GPHN: variants seen among roughly 807,000 people sequenced by gnomAD.
GPHN encodes the protein gephyrin.
Under a neutral mutation model 95.5 loss-of-function variants are expected in GPHN, and 17 were observed. The ratio of observed to expected loss-of-function variants is 0.18; its 90% confidence interval spans 0.12 to 0.27. GPHN has a LOEUF of 0.27. GPHN is among the 10% of genes least tolerant of loss of function. GPHN has a pLI of 1.00. For synonymous variants in GPHN, 320 were observed against 322.5 expected, an observed-to-expected ratio of 0.99 and a Z score of 0.08; for missense variants, 660 against 978.1, an observed-to-expected ratio of 0.67 and a Z score of 4.34.
At chr14:67,382,810 G>A in the GPHN span, 12 of 542,370 alleles carry the variant, frequency 2.2e-5, no homozygotes, top group Non-Finnish European at 3.9e-5. Context: ...TTTGCATGTG[G>A]CATGTCTAAA....
chr14:66,927,006 A>G (rs1211687428), intron 8 of GPHN, among the ~76,000 whole-genome samples: 1 of 151,984 alleles, frequency 6.6e-6, no homozygotes, highest in Non-Finnish European at 1.5e-5. Context: ...GCTATTGTAA[A>G]TGGGATTACT....
At chr14:67,610,117 A>G in the GPHN span, among the ~76,000 whole-genome samples, 2 of 152,278 alleles carry the variant, frequency 1.3e-5, no homozygotes, top group East Asian at 3.9e-4. Context: ...GCGGCGGGGC[A>G]GAGGCGCCAG....
At chr14:67,674,575 G>A in the GPHN span, 7 of 1,139,644 alleles carry the variant, frequency 6.1e-6, no homozygotes, top group Admixed American at 6.8e-5. Flanking sequence ...CCAGCCCAGT[G>A]GCCATAACGG....
the GPHN span, chr14:67,600,203 T>A: frequency 1.1e-5 from 18 of 1,572,634 alleles, no homozygotes; most frequent in South Asian, 2.1e-4. Flanking sequence ...TCATCCTCCA[T>A]GACGCCCCCA....
At chr14:66,714,330 T>C (rs1428863008) in intron 2 of GPHN, among the ~76,000 whole-genome samples, 2 of 152,212 alleles carry the variant, frequency 1.3e-5, no homozygotes, top group Non-Finnish European at 2.9e-5. Flanking sequence ...AGCTACTGAT[T>C]TGTGTACATT....
At chr14:67,239,128 G>A in the GPHN span, among the ~76,000 whole-genome samples, 66 of 152,306 alleles carry the variant, frequency 4.3e-4, 2 homozygotes, top group East Asian at 0.012. Flanking sequence ...AGGAAGCAAG[G>A]CTAGGTACTT....
intron 8 of GPHN, among the ~76,000 whole-genome samples, chr14:66,956,461 C>T (rs1482876618): frequency 6.6e-6 from 1 of 152,076 alleles, no homozygotes; most frequent in Non-Finnish European, 1.5e-5. Context: ...AATCGCCACA[C>T]TGACTTCCAC....
At chr14:66,776,411 A>G in intron 2 of GPHN, 53 bp from the exon 3 acceptor site, 1 of 1,034,734 alleles carries the variant, frequency 9.7e-7, no homozygotes, top group Non-Finnish European at 1.5e-6. Flanking sequence ...AATCTTTCAT[A>G]CATTTTAAAC....
intron 1 of GPHN, among the ~76,000 whole-genome samples, chr14:66,585,728 G>T (rs1325571591): frequency 6.6e-6 from 1 of 152,104 alleles, no homozygotes; most frequent in Non-Finnish European, 1.5e-5. Context: ...CTGAGTTCTA[G>T]TTTGATTGCA....
chr14:66,800,818 G>T (rs952565184), intron 3 of GPHN, among the ~76,000 whole-genome samples: 4 of 151,668 alleles, frequency 2.6e-5, no homozygotes, highest in Non-Finnish European at 5.9e-5. Flanking sequence ...CTCTTTTTAG[G>T]CCTGTAACTC....
intron 4 of GPHN, among the ~76,000 whole-genome samples, chr14:66,832,168 T>C (rs986765561): frequency 6.6e-6 from 1 of 152,026 alleles, no homozygotes; most frequent in Non-Finnish European, 1.5e-5. Context: ...AAATAAGATA[T>C]GTATAAGGAA....
chr14:67,348,766 C>T, the GPHN span: 1 of 291,538 alleles, frequency 3.4e-6, no homozygotes, highest in Non-Finnish European at 6.5e-6. Flanking sequence ...GTGATTCGCC[C>T]ACCTCGGCCT....
At chr14:67,704,788 C>T in the GPHN span, among the ~76,000 whole-genome samples, 1 of 152,348 alleles carries the variant, frequency 6.6e-6, no homozygotes, top group Admixed American at 6.5e-5. Flanking sequence ...TTCATAGCAG[C>T]AGCTCTCGTT....
chr14:67,387,907 T>C, the GPHN span, among the ~76,000 whole-genome samples: 1 of 152,242 alleles, frequency 6.6e-6, no homozygotes, highest in Non-Finnish European at 1.5e-5. Flanking sequence ...AGTATTATGA[T>C]ACATATTAAG....
chr14:66,668,330 C>A (rs2066091413), intron 1 of GPHN, among the ~76,000 whole-genome samples: 1 of 152,136 alleles, frequency 6.6e-6, no homozygotes, highest in Non-Finnish European at 1.5e-5. Context: ...GACACATGCA[C>A]CCATATGTTC....
chr14:67,307,869 G>A, the GPHN span, among the ~76,000 whole-genome samples: 1 of 151,948 alleles, frequency 6.6e-6, no homozygotes, highest in Non-Finnish European at 1.5e-5. Flanking sequence ...AAGAAAATGT[G>A]GTATATATAC....
At chr14:66,786,679 C>T (rs1029273435) in intron 3 of GPHN, among the ~76,000 whole-genome samples, 1 of 152,006 alleles carries the variant, frequency 6.6e-6, no homozygotes, top group African/African-American at 2.4e-5. Flanking sequence ...AGTGCCACGA[C>T]AATTTGACAT....
intron 1 of GPHN, among the ~76,000 whole-genome samples, chr14:66,534,195 T>C (rs960567522): frequency 1.3e-5 from 2 of 152,190 alleles, no homozygotes. Flanking sequence ...GTGAGTTTTT[T>C]ATGTGTACAA....
intron 2 of GPHN, among the ~76,000 whole-genome samples, chr14:66,686,584 T>A (rs2067376137): frequency 6.6e-6 from 1 of 152,202 alleles, no homozygotes; most frequent in African/African-American, 2.4e-5. Flanking sequence ...TGCTTGTGAT[T>A]TTTGCACATT....
Sources: gnomAD v4.1 joint callset for allele counts (sites outside exome capture counted in the v4.1 genomes callset) on GRCh38, gnomAD v4.1.1 for gene constraint, MANE v1.5 for transcripts, NCBI Gene and HGNC (gene_info 2026-07-23, HGNC 2026-07-21) for gene names.